CDH18: variants seen among roughly 807,000 people sequenced by gnomAD.
CDH18 encodes the protein cadherin-18.
Under a neutral mutation model 67.9 loss-of-function variants are expected in CDH18, and 31 were observed. The observed-to-expected ratio is 0.46, with a 90% CI of 0.34 to 0.62. The LOEUF is 0.62. Ranked by LOEUF, CDH18 falls within the 20% of genes least tolerant of loss-of-function variation. CDH18 has a pLI of 0.01. For synonymous variants in CDH18, 362 were observed against 347.2 expected (o/e 1.04, Z -0.48); for missense variants, 890 against 975.5 (o/e 0.91, Z 1.17).
At chr5:19,901,083 G>A (rs1158412166) in intron 2 of CDH18, among the ~76,000 whole-genome samples, 1 of 151,920 alleles carries the variant, frequency 6.6e-6, no homozygotes, top group Non-Finnish European at 1.5e-5. Context: ...CTTTGGATTT[G>A]GTGAGTATAT....
intron 11 of CDH18, among the ~76,000 whole-genome samples, chr5:19,490,767 A>G (rs762398801): frequency 6.6e-6 from 1 of 152,080 alleles, no homozygotes; most frequent in Non-Finnish European, 1.5e-5. Context: ...TGCTTAGTGA[A>G]TATGAGTCAG....
chr5:19,824,718 T>C (rs989003022), intron 3 of CDH18, among the ~76,000 whole-genome samples: 7 of 152,284 alleles, frequency 4.6e-5, no homozygotes, highest in African/African-American at 1.7e-4. Context: ...GCAGTCCCAC[T>C]TCTGTGTGAA....
At chr5:19,612,788 A>G (rs1749204269) in intron 5 of CDH18, among the ~76,000 whole-genome samples, 187 bp from the exon 6 acceptor site, 1 of 152,160 alleles carries the variant, frequency 6.6e-6, no homozygotes, top group Non-Finnish European at 1.5e-5. Context: ...TACTTATCCC[A>G]TGCCCCAAAC....
intron 2 of CDH18, among the ~76,000 whole-genome samples, chr5:19,879,776 T>C (rs1033709976): frequency 3.3e-5 from 5 of 152,038 alleles, no homozygotes; most frequent in African/African-American, 1.2e-4. Flanking sequence ...TAGTTGTTTC[T>C]TTCAAAGACA....
At chr5:19,755,452 T>TATACAC (rs1554024383) in intron 3 of CDH18, among the ~76,000 whole-genome samples, 665 of 19,764 alleles carry the variant, frequency 0.034, 61 homozygotes, top group Non-Finnish European at 0.24. Flanking sequence ...TATATATATA[T>TATACAC]ATATATACAC....
chr5:19,511,027 G>A (rs1463090078), intron 10 of CDH18, among the ~76,000 whole-genome samples: 2 of 152,070 alleles, frequency 1.3e-5, no homozygotes, highest in African/African-American at 4.8e-5. Context: ...GGGCAGGCTG[G>A]TCTTGAACTC....
intron 2 of CDH18, among the ~76,000 whole-genome samples, chr5:20,162,735 T>A (rs1735988694): frequency 6.6e-6 from 1 of 151,684 alleles, no homozygotes; most frequent in Non-Finnish European, 1.5e-5. Context: ...ATAATATTCA[T>A]ATGTCTCTAT....
intron 2 of CDH18, among the ~76,000 whole-genome samples, chr5:20,073,620 A>T (rs1221850506): frequency 3.3e-5 from 5 of 152,074 alleles, no homozygotes; most frequent in Non-Finnish European, 5.9e-5. Flanking sequence ...AGAGGCCGGT[A>T]CATCAAAGCA....
chr5:19,706,548 C>A (rs530653445), intron 5 of CDH18, among the ~76,000 whole-genome samples: 2 of 152,290 alleles, frequency 1.3e-5, no homozygotes, highest in East Asian at 3.9e-4. Flanking sequence ...ATTTGGGAGA[C>A]TAGCTTATGT....
At chr5:20,319,737 A>T (rs1264984140) in intron 1 of CDH18, among the ~76,000 whole-genome samples, 2 of 152,124 alleles carry the variant, frequency 1.3e-5, no homozygotes, top group Admixed American at 1.3e-4. Flanking sequence ...TTTCTCAAAA[A>T]TGGTCTACGA....
intron 1 of CDH18, among the ~76,000 whole-genome samples, chr5:20,414,283 C>T (rs1030745862): frequency 1.4e-5 from 2 of 145,018 alleles, no homozygotes; most frequent in African/African-American, 5.4e-5. Flanking sequence ...ACCCCAGGTG[C>T]TCATAAAAAA....
At chr5:19,545,981 AG>A (rs1242083252) in intron 8 of CDH18, among the ~76,000 whole-genome samples, 4 of 152,228 alleles carry the variant, frequency 2.6e-5, no homozygotes, top group African/African-American at 9.6e-5. Flanking sequence ...AGAGCAGGTC[AG>A]TATCTGTTCG....
At chr5:19,588,663 A>G (rs1172019451) in intron 7 of CDH18, among the ~76,000 whole-genome samples, 1 of 152,044 alleles carries the variant, frequency 6.6e-6, no homozygotes, top group Non-Finnish European at 1.5e-5. Context: ...GACCCATCTC[A>G]CGTGCAAAGA....
chr5:20,037,501 A>T (rs1222985261), intron 2 of CDH18, among the ~76,000 whole-genome samples: 1 of 152,142 alleles, frequency 6.6e-6, no homozygotes, highest in Non-Finnish European at 1.5e-5. Context: ...AATCATAACA[A>T]ACAGTCCCTC....
chr5:20,549,592 C>A (rs966604201), intron 1 of CDH18, among the ~76,000 whole-genome samples: 1 of 152,060 alleles, frequency 6.6e-6, no homozygotes, highest in African/African-American at 2.4e-5. Flanking sequence ...GGAAACATTA[C>A]AGAAGACATT....
At chr5:19,734,919 C>G (rs1317242758) in intron 4 of CDH18, among the ~76,000 whole-genome samples, 1 of 152,076 alleles carries the variant, frequency 6.6e-6, no homozygotes, top group Non-Finnish European at 1.5e-5. Flanking sequence ...CAAACAAACC[C>G]TAAATTTTAG....
chr5:19,617,128 C>T (rs1561477750), intron 5 of CDH18, among the ~76,000 whole-genome samples: 1 of 152,106 alleles, frequency 6.6e-6, no homozygotes, highest in Admixed American at 6.5e-5. Context: ...GAATAGGCAA[C>T]AATTAAAAAG....
intron 5 of CDH18, among the ~76,000 whole-genome samples, chr5:19,704,925 A>C (rs1355770655): frequency 6.6e-6 from 1 of 152,180 alleles, no homozygotes; most frequent in Non-Finnish European, 1.5e-5. Flanking sequence ...TTGGCCTTTA[A>C]TAGACATAGA....
intron 3 of CDH18, among the ~76,000 whole-genome samples, chr5:19,795,497 T>C (rs1194315094): frequency 6.6e-6 from 1 of 152,136 alleles, no homozygotes; most frequent in East Asian, 1.9e-4. Context: ...CAGATAAACT[T>C]AGTAAGACTG....
Sources: gnomAD v4.1 joint callset for allele counts (sites outside exome capture counted in the v4.1 genomes callset) on GRCh38, gnomAD v4.1.1 for gene constraint, MANE v1.5 for transcripts, NCBI Gene and HGNC (gene_info 2026-07-23, HGNC 2026-07-21) for gene names.